Variants in SALL4 observed in about 807,000 individuals in gnomAD.
SALL4 encodes the protein sal-like protein 4.
Under a neutral mutation model 60.8 loss-of-function variants are expected in SALL4, and 4 were observed. That is an observed-to-expected ratio of 0.07 (90% CI 0.03 to 0.15). The LOEUF is 0.15. Ranked by LOEUF, SALL4 falls within the 10% of genes least tolerant of loss-of-function variation. SALL4 has a pLI of 1.00. For missense variants in SALL4, 1,178 were observed against 1,394.7 expected, an observed-to-expected ratio of 0.84 and a Z score of 2.48; for synonymous variants, 580 against 574.9, an observed-to-expected ratio of 1.01 and a Z score of -0.13.
At chr20:51,798,402 G>A (rs1483436627) in intron 1 of SALL4, among the ~76,000 whole-genome samples, 3 of 143,630 alleles carry the variant, frequency 2.1e-5, no homozygotes, top group Non-Finnish European at 4.5e-5. Context: ...GGTTTTTGTC[G>A]CCTGTCTCCA....
Position 51,791,960 on chromosome 20 carries a change from T to C in SALL4, c.523A>G (p.Lys175Glu). The C allele has an allele frequency of 1.9e-6, 3 of 1,614,248 alleles. No individual in the cohort carries two copies. Among genetic ancestry groups the C allele is most frequent in the Non-Finnish European group, 2.5e-6 (3 of 1,180,036 alleles). ...PQDISYLAKG[K>E]VANTNVTLQA... is the part of the protein sequence containing the mutation. ...AAGGTCACATTAGTGTTGGCCACTT[T>C]GCCTTTGGCTAAATAGCTTATGTCC... Residue 175 changes from lysine to glutamate, a missense_variant, in exon 2 of 4, where the codon AAA (lysine) becomes GAA (glutamate). This residue lies in a region of SALL4 where 853 missense variants were observed against 1,036.8 expected (regional missense o/e 0.82). Coordinates refer to ENST00000217086, the MANE Select transcript of SALL4 (RefSeq NM_020436.5). The surrounding 1 kb of genome is among the most constrained non-coding windows in gnomAD (Gnocchi z 4.6).
Position 51,801,921 on chromosome 20 carries a change from G to C in SALL4, c.130+358C>G, listed in dbSNP as rs544215947. ...GAGGGAGGGGGACCTAAGTTACAAGGGGGGGGGGTAACACCAGTGAGGGGA... is the reference window on the plus strand; with the variant it reads ...GAGGGAGGGGGACCTAAGTTACAAGCGGGGGGGGTAACACCAGTGAGGGGA... On this transcript the variant is annotated intron_variant, in intron 1 of 3. Transcript: ENST00000217086. This position sits in a 1 kb window ranked among gnomAD's most constrained non-coding sequence, Gnocchi z 5.2. 7.4e-5 allele frequency among the ~76,000 whole-genome samples: 6 copies of C among 80,618 alleles called. No individual in the cohort carries two copies. Among genetic ancestry groups the C allele is most frequent in the South Asian group, 9.7e-4 (2 of 2,060 alleles). The allele number at this position is 80,618 out of a possible 152,430, so 52.9% of individuals were successfully genotyped here.
At position 51,802,485 on chromosome 20, in the gene SALL4, AC is replaced by A. The variant is rs979664135; in HGVS notation, c.-78del. 1.9e-6 allele frequency: 3 copies of A among 1,603,126 alleles called. No individual in the cohort carries two copies. The highest frequency in any genetic ancestry group is 1.7e-5 in the Admixed American group (1 of 58,120). ...ACAAATTCCTGGAGTTGGGAAATTT[AC>A]CCCCCTTCGGCCGGAACGCGCATGT... is the stretch of plus-strand genomic sequence containing the variant. On this transcript the variant is annotated 5_prime_UTR_variant, in exon 1 of 4. It removes the in-frame stop codon of an upstream open reading frame in the 5' UTR. Coordinates refer to ENST00000217086, the MANE Select transcript of SALL4 (RefSeq NM_020436.5).
Position 51,790,073 on chromosome 20 carries a change from C to A in SALL4, c.2410G>T (p.Asp804Tyr). Residue 804 changes from aspartate to tyrosine, a missense_variant, in exon 2 of 4, where the codon GAT (aspartate) becomes TAT (tyrosine). Around this residue, in one of 5 missense-constraint regions of SALL4, gnomAD observed 853 missense variants for 1,036.8 expected, o/e 0.82. Transcript: ENST00000217086. This position sits in a 1 kb window ranked among gnomAD's most constrained non-coding sequence, Gnocchi z 5.5. The stretch of plus-strand genomic sequence containing the variant: ...GAGCTCTCTGCTTTGCTCCCAGCAT[C>A]GGGAGACTTTGACTTGATGCTTTCG... ...QAESIKSKSP[D>Y]AGSKAESSEN... The A allele has an allele frequency of 6.2e-7, 1 of 1,614,174 alleles. No individual in the cohort carries two copies. Among genetic ancestry groups the A allele is most frequent in the South Asian group, 1.1e-5 (1 of 91,070 alleles).
In SALL4 at chr20:51,792,084, G is replaced by A. The variant is rs771711085; in HGVS notation, c.399C>T (p.His133=). The stretch of plus-strand genomic sequence containing the variant: ...CCTCTGAGCTGCCGCCATTCTCCCT[G>A]TGACAGTCCTTACTGCCGGGACTGG... ...QPTSPGSKDC[H]RENGGSSEDM... Residue 133 remains histidine, a synonymous_variant, in exon 2 of 4, where the codon CAC becomes CAT. Transcript: ENST00000217086. 6 of 1,614,188 alleles carry A rather than the reference G, an allele frequency of 3.7e-6. No individual in the cohort carries two copies. Among genetic ancestry groups the A allele is most frequent in the African/African-American group, 1.3e-5 (1 of 75,046 alleles).
chr20:51,796,439 A>G (rs1325663790), intron 1 of SALL4, among the ~76,000 whole-genome samples: 1 of 152,188 alleles, frequency 6.6e-6, no homozygotes, highest in Non-Finnish European at 1.5e-5. Flanking sequence ...ACTTTCTTAA[A>G]ACGTGAGATA....
chr20:51,799,435 C>T (rs780081048), intron 1 of SALL4, among the ~76,000 whole-genome samples: 2 of 152,246 alleles, frequency 1.3e-5, no homozygotes, highest in Non-Finnish European at 2.9e-5. Context: ...TGCTAACTGC[C>T]TTCTGCCTCC....
rs1368988854 is a variant in SALL4, at chr20:51,801,924, G to C, written c.130+355C>G. Among the ~76,000 whole-genome samples, 11 of 151,850 alleles carry C rather than the reference G, an allele frequency of 7.2e-5. No homozygotes were observed. The highest frequency in any genetic ancestry group is 3.4e-3 in the Middle Eastern group (1 of 294). ...GGAGGGGGACCTAAGTTACAAGGGGGGGGGGTAACACCAGTGAGGGGAGTG... is the reference window on the plus strand; with the variant it reads ...GGAGGGGGACCTAAGTTACAAGGGGCGGGGGTAACACCAGTGAGGGGAGTG... On this transcript the variant is annotated intron_variant, in intron 1 of 3. Transcript: ENST00000217086. The surrounding 1 kb of genome is among the most constrained non-coding windows in gnomAD (Gnocchi z 5.2).
chr20:51,782,931 A>G lies in SALL4; in HGVS notation c.*1334T>C, dbSNP rs2077964490. 1 of 152,230 alleles carries G rather than the reference A, an allele frequency of 6.6e-6. No individual in the cohort carries two copies. Among genetic ancestry groups the G allele is most frequent in the Non-Finnish European group, 1.5e-5 (1 of 68,044 alleles). 9.4% of individuals were successfully genotyped at this position (152,230 alleles called of 1,614,324 possible). A position where few individuals can be genotyped will look rare whatever the true frequency, so the allele number is the denominator to read the frequency against. On this transcript the variant is annotated 3_prime_UTR_variant, in exon 4 of 4. Transcript: ENST00000217086. ...AAAAAATAAAAAATAAATGAGGTAGATAAATTAAAGCTTTCACACCCAGGA... is the reference window on the plus strand; with the variant it reads ...AAAAAATAAAAAATAAATGAGGTAGGTAAATTAAAGCTTTCACACCCAGGA...
chr20:51,788,779 G>T lies in SALL4; in HGVS notation c.2742+82C>A. Reference sequence around the variant, plus strand: ...CCTCCCAAAGGAGGAATGGAAGGATGGAAGAACTCATCACGGCTTGTGCCA... The same window carrying T: ...CCTCCCAAAGGAGGAATGGAAGGATTGAAGAACTCATCACGGCTTGTGCCA... On this transcript the variant is annotated intron_variant, in intron 3 of 3. Coordinates refer to ENST00000217086, the MANE Select transcript of SALL4 (RefSeq NM_020436.5). This position sits in a 1 kb window ranked among gnomAD's most constrained non-coding sequence, Gnocchi z 4.1. 6.5e-7 allele frequency: 1 copy of T among 1,548,506 alleles called. No individual in the cohort carries two copies. The highest frequency in any genetic ancestry group is 1.1e-5 in the South Asian group (1 of 89,608).
Position 51,802,331 on chromosome 20 carries a change from C to T in SALL4, c.78G>A (p.Gln26=). Residue 26 remains glutamine (Q), a synonymous_variant, in exon 1 of 4, where the codon CAG becomes CAA. Transcript: ENST00000217086. ...EDQGEQQPQQ[Q]TPEFADAAPA... is the part of the protein sequence containing the mutation. ...GGGCCGCATCTGCAAACTCCGGGGT[C>T]TGCTGCTGCGGCTGCTGCTCGCCCT... is the stretch of plus-strand genomic sequence containing the variant. 1.2e-6 allele frequency: 2 copies of T among 1,610,892 alleles called. No individual in the cohort carries two copies. The highest frequency in any genetic ancestry group is 1.3e-5 in the African/African-American group (1 of 74,970).
Position 51,792,634 on chromosome 20 carries a change from A to G in SALL4, c.131-282T>C. 7.2e-6 allele frequency: 4 copies of G among 558,856 alleles called. No homozygotes were observed. In the South Asian group the frequency reaches 8.1e-5, roughly 11 times the overall value. 34.6% of individuals were successfully genotyped at this position (558,856 alleles called of 1,614,324 possible). ...AACCCAGGAGGCAGAGGTTGCAGTGAGCTGAGATCCCGCCATTGCACTCCA... is the reference window on the plus strand; with the variant it reads ...AACCCAGGAGGCAGAGGTTGCAGTGGGCTGAGATCCCGCCATTGCACTCCA... On this transcript the variant is annotated intron_variant, in intron 1 of 3. Coordinates refer to ENST00000217086, the MANE Select transcript of SALL4 (RefSeq NM_020436.5).
Position 51,790,114 on chromosome 20 carries a change from G to C in SALL4, c.2369C>G (p.Pro790Arg), listed in dbSNP as rs781637760. 7.4e-6 allele frequency: 12 copies of C among 1,614,012 alleles called. No homozygotes were observed. The East Asian group carries it at 2.5e-4, about 33-fold the overall frequency. ...LETTSFQALS[P>R]ANSQAESIKS... ...GATGCTTTCGGCTTGACTATTGGCC[G>C]GGGAGAGTGCCTGGAAGGATGTGGT... is the stretch of plus-strand genomic sequence containing the variant. Residue 790 changes from proline to arginine, a missense_variant, in exon 2 of 4, where the codon CCG becomes CGG. Coordinates refer to ENST00000217086, the MANE Select transcript of SALL4 (RefSeq NM_020436.5). The surrounding 1 kb of genome is among the most constrained non-coding windows in gnomAD (Gnocchi z 5.5).
rs564501751 is a variant in SALL4, at chr20:51,787,348, C to A, written c.2742+1513G>T. 2.4e-4 allele frequency among the ~76,000 whole-genome samples: 37 copies of A among 152,210 alleles called. No individual in the cohort carries two copies. In the South Asian group the frequency reaches 6.6e-3, roughly 27 times the overall value. On this transcript the variant is annotated intron_variant, in intron 3 of 3. Transcript: ENST00000217086. Reference sequence around the variant, plus strand: ...CTGAGGCAGGAGAATTGCTTGAACCCGGGAGGCAGAGGTTGCAATGAGCCG... The same window carrying A: ...CTGAGGCAGGAGAATTGCTTGAACCAGGGAGGCAGAGGTTGCAATGAGCCG...
chr20:51,788,699 AAAAT>A lies in SALL4; in HGVS notation c.2742+158_2742+161del, dbSNP rs757181196. Reference sequence around the variant, plus strand: ...GGCGACAGAGTGAGACTCCGTCTCAAAAATAAATAAATAAATAAACAAACTCCTG... The same window carrying A: ...GGCGACAGAGTGAGACTCCGTCTCAAAAATAAATAAATAAACAAACTCCTG... On this transcript the variant is annotated intron_variant, in intron 3 of 3. Transcript: ENST00000217086. This position sits in a 1 kb window ranked among gnomAD's most constrained non-coding sequence, Gnocchi z 4.1. Among the ~76,000 whole-genome samples the A allele has an allele frequency of 1.2e-4, 19 of 152,130 alleles. No individual in the cohort carries two copies. In the East Asian group the frequency reaches 3.1e-3, roughly 25 times the overall value.
In SALL4 at chr20:51,791,262, C is replaced by T. The variant is rs769753048; in HGVS notation, c.1221G>A (p.Glu407=). Residue 407 remains glutamate, a synonymous_variant, in exon 2 of 4, where the codon GAG becomes GAA. Coordinates refer to ENST00000217086, the MANE Select transcript of SALL4 (RefSeq NM_020436.5). This position sits in a 1 kb window ranked among gnomAD's most constrained non-coding sequence, Gnocchi z 4.6. ...LQIHLRSHTG[E]RPFVCSVCGH... ...CACAGACAGAGCACACGAAGGGTCT[C>T]TCTCCAGTGTGGGAGCGGAGGTGGA... 1.4e-5 allele frequency: 23 copies of T among 1,614,044 alleles called. No homozygotes were observed. Among genetic ancestry groups the T allele is most frequent in the South Asian group, 6.6e-5 (6 of 91,088 alleles).
intron 1 of SALL4, among the ~76,000 whole-genome samples, chr20:51,794,432 TCC>T (rs1274721566): frequency 6.6e-6 from 1 of 152,090 alleles, no homozygotes; most frequent in Non-Finnish European, 1.5e-5. Context: ...GCATGCCTAA[TCC>T]CAGCTACTCA....
rs1346207672 is a variant in SALL4, at chr20:51,784,489, G to A, written c.2938C>T (p.Leu980=). The A allele has an allele frequency of 1.2e-6, 2 of 1,614,054 alleles. No homozygotes were observed. Among genetic ancestry groups the A allele is most frequent in the Non-Finnish European group, 1.7e-6 (2 of 1,180,042 alleles). The change falls in exon 4 of 4, where the codon CTG becomes TTG. Residue 980 remains leucine, a synonymous_variant. Coordinates refer to ENST00000217086, the MANE Select transcript of SALL4 (RefSeq NM_020436.5). ...NQYTSMLNGG[L]AVKTNEISVI... is the part of the protein sequence containing the mutation. ...GAGATCTCATTGGTCTTCACGGCCA[G>A]ACCGCCATTGAGCATGCTGGTGTAC... is the stretch of plus-strand genomic sequence containing the variant.
At chr20:51,800,156 G>A (rs2078100998) in intron 1 of SALL4, among the ~76,000 whole-genome samples, 1 of 152,098 alleles carries the variant, frequency 6.6e-6, no homozygotes, top group African/African-American at 2.4e-5. Context: ...AAAGAACAGC[G>A]GGCACAGACG....
Sources: gnomAD v4.1 joint callset for allele counts (sites outside exome capture counted in the v4.1 genomes callset) on GRCh38, gnomAD v4.1.1 for gene constraint, gnomAD v4.1.1 regional missense constraint, Gnocchi (gnomAD v3.1) non-coding constraint, MANE v1.5 for transcripts, NCBI Gene and HGNC (gene_info 2026-07-23, HGNC 2026-07-21) for gene names.